The following SYNDIG1 variants were observed in gnomAD, a reference collection of about 807,000 sequenced individuals.
SYNDIG1 encodes the protein synapse differentiation-inducing gene protein 1.
A neutral mutation model predicts 19.4 loss-of-function variants in SYNDIG1; 9 were observed. The ratio of observed to expected loss-of-function variants is 0.46; its 90% confidence interval spans 0.28 to 0.81. SYNDIG1 has a LOEUF of 0.81. Ranked by LOEUF, SYNDIG1 falls within the 30% of genes least tolerant of loss-of-function variation. The pLI is 0.12. For synonymous variants in SYNDIG1, 141 were observed against 145.9 expected (o/e 0.97, Z 0.24); for missense variants, 311 against 343.3 (o/e 0.91, Z 0.74).
chr20:24,564,168 T>C (rs935908142), intron 2 of SYNDIG1, among the ~76,000 whole-genome samples: 1 of 152,192 alleles, frequency 6.6e-6, no homozygotes, highest in Non-Finnish European at 1.5e-5. Flanking sequence ...AAAGTGATGA[T>C]AAACATTAAA....
At chr20:24,476,211 G>T (rs2055621572) in intron 1 of SYNDIG1, among the ~76,000 whole-genome samples, 1 of 151,670 alleles carries the variant, frequency 6.6e-6, no homozygotes, top group African/African-American at 2.4e-5. Flanking sequence ...TAAACCCAGA[G>T]ATACAGCTCA....
intron 3 of SYNDIG1, among the ~76,000 whole-genome samples, chr20:24,626,004 A>C (rs866009961): frequency 8.7e-5 from 11 of 126,742 alleles, no homozygotes; most frequent in Middle Eastern, 5.3e-3. Context: ...TGGCCCCCCC[A>C]CCTCCCTCCC....
intron 1 of SYNDIG1, among the ~76,000 whole-genome samples, chr20:24,476,546 T>C (rs2055631991): frequency 6.6e-6 from 1 of 151,906 alleles, no homozygotes; most frequent in Non-Finnish European, 1.5e-5. Flanking sequence ...GGCGGGCACC[T>C]GTAGTCCCAC....
intron 2 of SYNDIG1, among the ~76,000 whole-genome samples, chr20:24,580,053 C>T (rs1206163471): frequency 6.6e-6 from 1 of 152,244 alleles, no homozygotes; most frequent in East Asian, 1.9e-4. Context: ...GGGCACCTGC[C>T]TTTCTCTGCC....
intron 1 of SYNDIG1, among the ~76,000 whole-genome samples, chr20:24,501,306 G>A (rs2056448548): frequency 1.3e-5 from 2 of 152,196 alleles, no homozygotes; most frequent in Non-Finnish European, 2.9e-5. Context: ...CGTACCTGTA[G>A]CTTCCATATC....
At chr20:24,626,035 T>C (rs79283944) in intron 3 of SYNDIG1, among the ~76,000 whole-genome samples, 88,860 of 142,854 alleles carry the variant, frequency 0.62, 26,802 homozygotes, top group Admixed American at 0.68. Context: ...GCTGGCCAGG[T>C]GGGGGGCTGA....
chr20:24,591,079 C>CGTGTGTGT (rs55725848), intron 3 of SYNDIG1, among the ~76,000 whole-genome samples: 8 of 149,082 alleles, frequency 5.4e-5, no homozygotes, highest in Non-Finnish European at 1.2e-4. Flanking sequence ...TTTACACCTT[C>CGTGTGTGT]GTGTGTGTGT....
intron 1 of SYNDIG1, 70 bp downstream of exon 1, chr20:24,469,823 C>G (rs969437602): frequency 6.6e-6 from 1 of 152,132 alleles, no homozygotes; most frequent in Admixed American, 6.6e-5. Context: ...CGGCAGGGGC[C>G]GCGAGCTGGC....
chr20:24,525,967 C>T (rs1024322925), intron 1 of SYNDIG1, among the ~76,000 whole-genome samples: 1 of 152,070 alleles, frequency 6.6e-6, no homozygotes, highest in African/African-American at 2.4e-5. Context: ...CTCTGTGTAA[C>T]TATGTTACTA....
intron 2 of SYNDIG1, among the ~76,000 whole-genome samples, chr20:24,553,087 T>C (rs1417916004): frequency 1.3e-5 from 2 of 151,960 alleles, no homozygotes; most frequent in East Asian, 3.9e-4. Flanking sequence ...TTCATGTGTT[T>C]TTTGGCTGCA....
intron 3 of SYNDIG1, among the ~76,000 whole-genome samples, chr20:24,618,241 G>A (rs1176912109): frequency 6.7e-6 from 1 of 149,758 alleles, no homozygotes; most frequent in Non-Finnish European, 1.5e-5. Context: ...CCGGGGAGAG[G>A]GGAGAGCCCC....
chr20:24,541,740 A>G (rs979039428), intron 1 of SYNDIG1, among the ~76,000 whole-genome samples: 2 of 152,236 alleles, frequency 1.3e-5, no homozygotes, highest in African/African-American at 4.8e-5. Context: ...CTCTGTAGCT[A>G]CTGGTTCTGA....
Position 24,543,407 on chromosome 20 carries a change from G to C in SYNDIG1, c.310G>C (p.Asp104His). The C allele has an allele frequency of 6.2e-7, 1 of 1,613,700 alleles. No homozygotes were observed. The highest frequency in any genetic ancestry group is 1.3e-5 in the African/African-American group (1 of 75,038). The change falls in exon 2 of 4, where the codon GAC becomes CAC. Residue 104 changes from aspartate to histidine, a missense_variant. Asp to His is a moderately conservative substitution (Grantham distance 81). Transcript: ENST00000376862. The part of the protein sequence containing the change: ...YSEGVLRSWG[D>H]GVAADCCETT... ...AGAGGGCGTGCTGCGCTCCTGGGGG[G>C]ACGGTGTGGCCGCCGACTGCTGCGA...
chr20:24,540,002 G>A (rs534590861), intron 1 of SYNDIG1, among the ~76,000 whole-genome samples: 23 of 152,126 alleles, frequency 1.5e-4, no homozygotes, highest in East Asian at 1.4e-3. Flanking sequence ...GGCTGGTTTC[G>A]AACTCCTGAC....
intron 1 of SYNDIG1, among the ~76,000 whole-genome samples, chr20:24,489,137 C>T (rs910041259): frequency 2.8e-4 from 43 of 152,304 alleles, no homozygotes; most frequent in Middle Eastern, 3.4e-3. Context: ...CCCATCTGTA[C>T]GCATGCACAC....
At chr20:24,473,842 A>C (rs1340936745) in intron 1 of SYNDIG1, among the ~76,000 whole-genome samples, 1 of 152,262 alleles carries the variant, frequency 6.6e-6, no homozygotes, top group Non-Finnish European at 1.5e-5. Context: ...CTGTGACAAC[A>C]TTAACGCTTG....
chr20:24,491,581 C>T (rs1012738433), intron 1 of SYNDIG1: 4 of 152,240 alleles, frequency 2.6e-5, no homozygotes, highest in South Asian at 2.1e-4. Flanking sequence ...GGACAAGGTC[C>T]GTCACGTTCC....
chr20:24,542,577 G>T (rs776672261), intron 1 of SYNDIG1, among the ~76,000 whole-genome samples: 1 of 152,206 alleles, frequency 6.6e-6, no homozygotes, highest in Non-Finnish European at 1.5e-5. Context: ...ACTAAGTAGA[G>T]ATTATTGCAA....
intron 3 of SYNDIG1, among the ~76,000 whole-genome samples, chr20:24,652,004 TC>T (rs2147370649): frequency 1.3e-5 from 2 of 152,312 alleles, no homozygotes; most frequent in South Asian, 4.1e-4. Context: ...TAGAAAAGTC[TC>T]CCAGCTGGTC....
Sources: gnomAD v4.1 joint callset for allele counts (sites outside exome capture counted in the v4.1 genomes callset) on GRCh38, gnomAD v4.1.1 for gene constraint, MANE v1.5 for transcripts, NCBI Gene and HGNC (gene_info 2026-07-23, HGNC 2026-07-21) for gene names.